ERC2: variants seen among roughly 807,000 people sequenced by gnomAD.
ERC2 encodes the protein ERC protein 2.
Under a neutral mutation model 114.8 loss-of-function variants are expected in ERC2, and 42 were observed. The observed-to-expected ratio is 0.37, with a 90% CI of 0.29 to 0.47. The LOEUF (loss-of-function observed/expected upper bound fraction) is 0.47. Among genes scored for constraint, ERC2 ranks in the 20% least tolerant of loss-of-function variants. The probability of loss-of-function intolerance (pLI) is 0.99; values close to 1 mark genes in which losing one functional copy is unlikely to be tolerated. For missense variants in ERC2, 939 were observed against 1,150.7 expected (o/e 0.82, Z 2.66); for synonymous variants, 454 against 425.5 (o/e 1.07, Z -0.82).
chr3:55,526,938 G>A (rs2053358944), intron 17 of ERC2, among the ~76,000 whole-genome samples: 1 of 152,220 alleles, frequency 6.6e-6, no homozygotes, highest in Admixed American at 6.5e-5. Flanking sequence ...ACAGCTGATG[G>A]GTCTGCAGGC....
At chr3:56,299,190 C>T (rs1256562436) in intron 2 of ERC2, among the ~76,000 whole-genome samples, 19 of 144,678 alleles carry the variant, frequency 1.3e-4, no homozygotes, top group Admixed American at 8.9e-4. Context: ...TGCAGTGGCG[C>T]GATCTTGGCT....
At chr3:55,605,218 G>T (rs1382830746) in intron 17 of ERC2, among the ~76,000 whole-genome samples, 1 of 151,936 alleles carries the variant, frequency 6.6e-6, no homozygotes, top group African/African-American at 2.4e-5. Flanking sequence ...TGGGCTCAAG[G>T]GATCCTACAG....
chr3:56,264,657 A>C (rs1487351791), intron 3 of ERC2, among the ~76,000 whole-genome samples: 3 of 152,044 alleles, frequency 2.0e-5, no homozygotes, highest in Non-Finnish European at 2.9e-5. Flanking sequence ...GGAAGGAAGA[A>C]GTAAAATTAT....
chr3:55,682,561 C>T (rs1157563835), intron 17 of ERC2, among the ~76,000 whole-genome samples: 1 of 152,120 alleles, frequency 6.6e-6, no homozygotes, highest in Admixed American at 6.5e-5. Context: ...TGAAACGTCA[C>T]CCACAGGCCA....
At chr3:55,755,949 G>A (rs2067029179) in intron 14 of ERC2, among the ~76,000 whole-genome samples, 2 of 152,028 alleles carry the variant, frequency 1.3e-5, no homozygotes, top group Admixed American at 6.6e-5. Flanking sequence ...AAGAGCTCAA[G>A]AGCCTTGTGA....
chr3:56,431,614 C>A (rs1316654182), intron 2 of ERC2, among the ~76,000 whole-genome samples: 1 of 152,180 alleles, frequency 6.6e-6, no homozygotes, highest in Admixed American at 6.5e-5. Flanking sequence ...CCTATCCTGA[C>A]CAACAGGTAC....
chr3:55,962,460 T>C (rs78600609), intron 12 of ERC2, among the ~76,000 whole-genome samples: 1 of 152,344 alleles, frequency 6.6e-6, no homozygotes, highest in East Asian at 1.9e-4. Context: ...ATACACTGTG[T>C]TCCAATAAAA....
intron 2 of ERC2, among the ~76,000 whole-genome samples, chr3:56,422,911 GCTTACTTCCCCT>G (rs2061438388): frequency 6.6e-6 from 1 of 152,186 alleles, no homozygotes; most frequent in African/African-American, 2.4e-5. Context: ...GCTCAAAAAT[GCTTACTTCCCCT>G]CCCCTTTTGT....
intron 7 of ERC2, among the ~76,000 whole-genome samples, chr3:56,080,518 T>A (rs1206730144): frequency 6.6e-6 from 1 of 152,154 alleles, no homozygotes; most frequent in African/African-American, 2.4e-5. Flanking sequence ...AAATTAACTT[T>A]TGGGACCTTT....
chr3:56,288,225 A>T (rs1036315158), intron 3 of ERC2, among the ~76,000 whole-genome samples: 2 of 152,114 alleles, frequency 1.3e-5, no homozygotes, highest in African/African-American at 4.8e-5. Context: ...CTCACTGCTG[A>T]GGTTTTATTT....
intron 7 of ERC2, among the ~76,000 whole-genome samples, chr3:56,060,371 T>C (rs146746264): frequency 1.7e-3 from 256 of 152,340 alleles, no homozygotes; most frequent in African/African-American, 5.4e-3. Flanking sequence ...ATCTGTAAAA[T>C]GGGAAGAAAC....
chr3:55,702,543 T>TC (rs902250756), intron 15 of ERC2, among the ~76,000 whole-genome samples: 20 of 151,834 alleles, frequency 1.3e-4, no homozygotes, highest in Admixed American at 2.0e-4. Context: ...CTTTTAAATT[T>TC]TTTTTTTTTA....
At chr3:56,448,872 G>A (rs552878445) in intron 1 of ERC2, among the ~76,000 whole-genome samples, 26 of 152,144 alleles carry the variant, frequency 1.7e-4, no homozygotes, top group East Asian at 1.4e-3. Context: ...TCAGGAGATC[G>A]AGACCATCCT....
intron 12 of ERC2, among the ~76,000 whole-genome samples, chr3:55,963,952 T>C (rs760749299): frequency 2.6e-5 from 4 of 152,150 alleles, no homozygotes; most frequent in African/African-American, 9.7e-5. Flanking sequence ...CCATCTGAAA[T>C]TGGGCTGCAG....
At chr3:55,741,738 A>G (rs1408996074) in intron 14 of ERC2, among the ~76,000 whole-genome samples, 1 of 152,198 alleles carries the variant, frequency 6.6e-6, no homozygotes. Context: ...CCCAAAATGT[A>G]GCTTAAAATA....
chr3:56,322,020 C>T (rs924814528), intron 2 of ERC2, among the ~76,000 whole-genome samples: 7 of 152,122 alleles, frequency 4.6e-5, no homozygotes, highest in African/African-American at 1.7e-4. Flanking sequence ...TAATTCAGAG[C>T]GCAGGCCTGG....
chr3:55,615,829 A>G (rs2059102010), intron 17 of ERC2, among the ~76,000 whole-genome samples: 1 of 152,192 alleles, frequency 6.6e-6, no homozygotes, highest in African/African-American at 2.4e-5. Flanking sequence ...AGGAACTTCA[A>G]AAGACCTGCT....
intron 3 of ERC2, among the ~76,000 whole-genome samples, chr3:56,283,461 T>A (rs1215605641): frequency 6.6e-6 from 1 of 152,048 alleles, no homozygotes; most frequent in East Asian, 1.9e-4. Context: ...TAAGACCCCA[T>A]CTAAAAAATA....
At chr3:55,521,724 A>G (rs1372392367) in intron 17 of ERC2, among the ~76,000 whole-genome samples, 3 of 152,232 alleles carry the variant, frequency 2.0e-5, no homozygotes, top group African/African-American at 7.2e-5. Flanking sequence ...CTGGGGCTAC[A>G]CTTTCTAAGA....
Sources: gnomAD v4.1 joint callset for allele counts (sites outside exome capture counted in the v4.1 genomes callset) on GRCh38, gnomAD v4.1.1 for gene constraint, MANE v1.5 for transcripts, NCBI Gene and HGNC (gene_info 2026-07-23, HGNC 2026-07-21) for gene names.